The following C2 variants were observed in gnomAD, a reference collection of about 807,000 sequenced individuals.
The protein encoded by C2 is C3/C5 convertase.
In C2, 64 loss-of-function variants were observed where a neutral mutation model predicts 85.2. The observed-to-expected ratio is 0.75, with a 90% CI of 0.61 to 0.92. The LOEUF is 0.92. C2 is among the 40% of genes least tolerant of loss of function. C2 has a pLI of 0.00. For missense variants in C2, 820 were observed against 971.6 expected (o/e 0.84, Z 2.07); for synonymous variants, 311 against 370.8 (o/e 0.84, Z 1.85).
In C2 at chr6:31,906,728, G is replaced by T. The variant is rs571220; in HGVS notation, c.73+5589G>T. 5.1e-3 allele frequency among the ~76,000 whole-genome samples: 771 copies of T among 151,780 alleles called. 12 individuals carry two copies. Among genetic ancestry groups the T allele is most frequent in the African/African-American group, 0.018 (724 of 41,286 alleles). ...GGTTGTCCTCCCCAGGCCTGCCTGT[G>T]TCCCTGCAAATGACCTAATCCATAT... On this transcript the variant is annotated intron_variant, in intron 1 of 3. Coordinates refer to the C2 transcript ENST00000452202.
chr6:31,937,256 TCCCTAC>T, intron 7 of C2, 57 bp from the exon 8 acceptor site: 1 of 1,523,166 alleles, frequency 6.6e-7, no homozygotes, highest in Non-Finnish European at 9.1e-7. Context: ...ATAGAGTGAT[TCCCTAC>T]CCCTAGGTGG....
At chr6:31,934,507 C>A in intron 6 of C2, 1 of 1,259,182 alleles carries the variant, frequency 7.9e-7, no homozygotes, top group Non-Finnish European at 1.1e-6. Context: ...TGTGCTGGGG[C>A]TGGGCGACAG....
intron 1 of C2, among the ~76,000 whole-genome samples, chr6:31,903,702 C>T (rs931868268): frequency 4.6e-5 from 7 of 152,104 alleles, no homozygotes; most frequent in Non-Finnish European, 1.0e-4. Flanking sequence ...AGCCAGCATC[C>T]ACCCATAAAA....
rs755422167 is a variant in C2 at position 31,945,288 on chromosome 6, C to T, written c.2190C>T (p.Ile730=). ...SKVPPPRDFH[I]NLFRMQPWLR... is the part of the protein sequence containing the mutation. The stretch of plus-strand genomic sequence containing the variant: ...TCCCGCCGCCACGAGACTTTCACAT[C>T]AATCTCTTCCGCATGCAGCCCTGGC... The change falls in exon 18 of 18, where the codon ATC becomes ATT. Residue 730 remains isoleucine (I), a synonymous_variant. Coordinates refer to ENST00000299367, the MANE Select transcript of C2 (RefSeq NM_000063.6). This position sits in a 1 kb window ranked among gnomAD's most constrained non-coding sequence, Gnocchi z 5.3. 2.5e-6 allele frequency: 4 copies of T among 1,613,076 alleles called. No homozygotes were observed. Among genetic ancestry groups the T allele is most frequent in the Non-Finnish European group, 3.4e-6 (4 of 1,180,026 alleles).
intron 9 of C2, among the ~76,000 whole-genome samples, chr6:31,942,746 G>T (rs1462863784): frequency 6.6e-6 from 1 of 152,206 alleles, no homozygotes; most frequent in African/African-American, 2.4e-5. Context: ...CATGCCTATG[G>T]ATTTGAGGAA....
In C2 at chr6:31,945,082, T is replaced by C; in HGVS notation, c.2079+53T>C. 1.2e-6 allele frequency: 2 copies of C among 1,611,000 alleles called. No homozygotes were observed. The highest frequency in any genetic ancestry group is 1.7e-6 in the Non-Finnish European group (2 of 1,178,298). Reference sequence around the variant, plus strand: ...AGGGGTTACAGGATCTCAGCCTTGTTGGGGGGATGAGGGAGGCCTTTGAGG... The same window carrying C: ...AGGGGTTACAGGATCTCAGCCTTGTCGGGGGGATGAGGGAGGCCTTTGAGG... On this transcript the variant is annotated intron_variant, in intron 17 of 17. Transcript: ENST00000299367. This position sits in a 1 kb window ranked among gnomAD's most constrained non-coding sequence, Gnocchi z 5.3.
chr6:31,937,364 G>C lies in C2; in HGVS notation c.1034G>C (p.Ser345Thr). ...ACTAACACCTATGCGGCCTTAAACA[G>C]TGTCTATCTCATGATGAACAACCAA... The part of the protein sequence containing the change: ...TGTNTYAALN[S>T]VYLMMNNQMR... The change falls in exon 8 of 18, where the codon AGT becomes ACT. Residue 345 changes from serine (S) to threonine (T), a missense_variant. Ser to Thr is a moderately conservative substitution (Grantham distance 58, BLOSUM62 1). Transcript: ENST00000299367. 1 of 1,612,820 alleles carries C rather than the reference G, an allele frequency of 6.2e-7. No homozygotes were observed. The highest frequency in any genetic ancestry group is 2.2e-5 in the East Asian group (1 of 44,838).
At chr6:31,900,247 C>A, upstream of C2, 5 of 1,613,954 alleles carry the variant, frequency 3.1e-6, no homozygotes, top group Non-Finnish European at 4.2e-6. The surrounding 1 kb of genome is among the most constrained non-coding windows in gnomAD (Gnocchi z 9.7). Flanking sequence ...AGTGCTGCGC[C>A]CGCATGTGGA....
chr6:31,906,467 C>T (rs895494629), intron 1 of C2, among the ~76,000 whole-genome samples: 1 of 151,934 alleles, frequency 6.6e-6, no homozygotes, highest in Non-Finnish European at 1.5e-5. Context: ...AGCCCACCAC[C>T]TTTGCCATCG....
Position 31,940,187 on chromosome 6 carries a change from G to A in C2, c.1219+867G>A, listed in dbSNP as rs1164454164. ...TGGGCAGTTTCTTCATCTGCAAAAGGGGAGTAGTACTAGGACCCAGCTCAC... is the reference window on the plus strand; with the variant it reads ...TGGGCAGTTTCTTCATCTGCAAAAGAGGAGTAGTACTAGGACCCAGCTCAC... On this transcript the variant is annotated intron_variant, in intron 9 of 17. Transcript: ENST00000299367. 2.6e-5 allele frequency among the ~76,000 whole-genome samples: 4 copies of A among 152,212 alleles called. No homozygotes were observed. In the East Asian group the frequency reaches 7.7e-4, roughly 29 times the overall value.
chr6:31,898,421 T>C (rs1026776943), upstream of C2, among the ~76,000 whole-genome samples: 3 of 152,178 alleles, frequency 2.0e-5, no homozygotes, highest in South Asian at 4.1e-4. Context: ...TACACCAAGA[T>C]AGACAATCTC....
At chr6:31,929,333 C>G (rs186361502) in intron 3 of C2, among the ~76,000 whole-genome samples, 1 of 152,296 alleles carries the variant, frequency 6.6e-6, no homozygotes, top group Admixed American at 6.5e-5. Flanking sequence ...GCTATTTAAC[C>G]TTTCTAGCCC....
chr6:31,937,577 T>G, intron 8 of C2, 118 bp downstream of exon 8: 1 of 1,315,898 alleles, frequency 7.6e-7, no homozygotes, highest in Non-Finnish European at 1.1e-6. Flanking sequence ...GTTTTGTTTT[T>G]GTTTTTAGAG....
chr6:31,902,778 T>C (rs1285530106), intron 1 of C2, among the ~76,000 whole-genome samples: 1 of 152,190 alleles, frequency 6.6e-6, no homozygotes, highest in Non-Finnish European at 1.5e-5. Flanking sequence ...TTCTCAGGAT[T>C]GATCCCAACT....
At chr6:31,933,496 G>A (rs1175228220) in intron 3 of C2, 114 bp from the exon 4 acceptor site, 1 of 1,045,936 alleles carries the variant, frequency 9.6e-7, no homozygotes, top group African/African-American at 1.6e-5. Context: ...GGACAGACAT[G>A]GGTGCATCCC....
intron 7 of C2, chr6:31,936,542 C>T: frequency 5.0e-6 from 1 of 198,680 alleles, no homozygotes; most frequent in East Asian, 1.2e-4. Flanking sequence ...GAGTCTCGCA[C>T]TGTCACCCAG....
chr6:31,937,244 G>A (rs915333334), intron 7 of C2, 75 bp from the exon 8 acceptor site: 9 of 1,486,024 alleles, frequency 6.1e-6, no homozygotes, highest in Non-Finnish European at 6.6e-6. Context: ...ATAATTGGGG[G>A]AATAGAGTGA....
chr6:31,900,402 T>C, upstream of C2: 2 of 1,456,730 alleles, frequency 1.4e-6, no homozygotes, highest in African/African-American at 2.9e-5. This position sits in a 1 kb window ranked among gnomAD's most constrained non-coding sequence, Gnocchi z 9.7. Flanking sequence ...CGGGCAGCCA[T>C]GGCCACCGCT....
upstream of C2, among the ~76,000 whole-genome samples, chr6:31,915,365 C>G (rs374702320): frequency 3.3e-5 from 5 of 152,262 alleles, no homozygotes; most frequent in East Asian, 5.8e-4. Flanking sequence ...CACCTGGATG[C>G]TTGCATCTCT....
Sources: allele counts gnomAD v4.1 joint callset (sites outside exome capture counted in the v4.1 genomes callset), GRCh38; gene constraint gnomAD v4.1.1; non-coding constraint Gnocchi (gnomAD v3.1); transcripts MANE v1.5; gene names NCBI Gene and HGNC (gene_info 2026-07-23, HGNC 2026-07-21).